The following LAG3 variants were observed in gnomAD, a reference collection of about 807,000 sequenced individuals.
LAG3 encodes the protein lymphocyte activation gene 3 protein.
In LAG3, 29 loss-of-function variants were observed where a neutral mutation model predicts 49.0. That is an observed-to-expected ratio of 0.59 (90% CI 0.44 to 0.81). The LOEUF (loss-of-function observed/expected upper bound fraction) is 0.81. Ranked by LOEUF, LAG3 falls within the 30% of genes least tolerant of loss-of-function variation. The pLI is 0.00. For synonymous variants in LAG3, 320 were observed against 297.3 expected, an observed-to-expected ratio of 1.08 and a Z score of -0.79; for missense variants, 693 against 695.2, an observed-to-expected ratio of 1.00 and a Z score of 0.04.
rs747449038 is a variant in LAG3, at chr12:6,774,667, A to G, written c.584A>G (p.Asp195Gly). 13 of 1,613,840 alleles carry G rather than the reference A, an allele frequency of 8.1e-6. No homozygotes were observed. Among genetic ancestry groups the G allele is most frequent in the Middle Eastern group, 1.6e-4 (1 of 6,082 alleles). The change falls in exon 4 of 8, where the codon GAC (aspartate) becomes GGC (glycine). Residue 195 changes from aspartate (D) to glycine (G), a missense_variant. Physicochemically the swap from Asp to Gly is moderately conservative, Grantham distance 94. Transcript: ENST00000203629. ...VILNCSFSRP[D>G]RPASVHWFRN... ...TTGAACTGCTCCTTCAGCCGCCCTG[A>G]CCGCCCAGCCTCTGTGCATTGGTTC...
At chr12:6,774,324 T>C (rs928081391) in intron 3 of LAG3, among the ~76,000 whole-genome samples, 1 of 152,108 alleles carries the variant, frequency 6.6e-6, no homozygotes, top group Non-Finnish European at 1.5e-5. Flanking sequence ...GGGGTGGGCT[T>C]CGCGGGGTTC....
At chr12:6,775,200 C>T in intron 4 of LAG3, 73 bp from the exon 5 acceptor site, 1 of 1,491,620 alleles carries the variant, frequency 6.7e-7, no homozygotes, top group African/African-American at 1.4e-5. Context: ...TTCTGCCTCC[C>T]TTCCTTGCAG....
At position 6,777,833 on chromosome 12, in the gene LAG3, G is replaced by C. The variant is rs753892980; in HGVS notation, c.1343G>C (p.Gly448Ala). The C allele has an allele frequency of 1.2e-6, 2 of 1,613,628 alleles. No individual in the cohort carries two copies. The highest frequency in any genetic ancestry group is 2.7e-5 in the African/African-American group (2 of 74,908). ...AGAGCCCCAGGTGCCCTCCCAGCAG[G>C]CCACCTCCTGCTGTTTCTCATCCTT... is the stretch of plus-strand genomic sequence containing the variant. ...SGRAPGALPAGHLLLFLILGV... is the reference protein window; with the variant it reads ...SGRAPGALPAAHLLLFLILGV... Residue 448 changes from glycine to alanine, a missense_variant, in exon 7 of 8, where the codon GGC becomes GCC. Gly to Ala is a moderately conservative substitution (Grantham distance 60, BLOSUM62 0). Transcript: ENST00000203629.
At position 6,773,772 on chromosome 12, in the gene LAG3, C is replaced by A; in HGVS notation, c.282C>A (p.Pro94=). ...CGGCGGCGCCCTCCTCCTGGGGGCCCAGGCCCCGCCGCTACACGGTGCTGA... is the reference window on the plus strand; with the variant it reads ...CGGCGGCGCCCTCCTCCTGGGGGCCAAGGCCCCGCCGCTACACGGTGCTGA... ...PHPAAPSSWG[P]RPRRYTVLSV... Residue 94 remains proline, a synonymous_variant, in exon 3 of 8, where the codon CCC becomes CCA. Transcript: ENST00000203629. This position sits in a 1 kb window ranked among gnomAD's most constrained non-coding sequence, Gnocchi z 5.5. 3 of 1,333,460 alleles carry A rather than the reference C, an allele frequency of 2.2e-6. No homozygotes were observed. Among genetic ancestry groups the A allele is most frequent in the South Asian group, 2.0e-5 (1 of 50,130 alleles). The allele number at this position is 1,333,460 out of a possible 1,614,324, so 82.6% of individuals were successfully genotyped here.
intron 3 of LAG3, 60 bp from the exon 4 acceptor site, chr12:6,774,535 C>A: frequency 6.4e-7 from 1 of 1,555,472 alleles, no homozygotes; most frequent in Non-Finnish European, 8.7e-7. Context: ...GCTTGGCAGC[C>A]CTGCTGTGTT....
rs754687935 is a variant in LAG3, at chr12:6,775,323, G to A, written c.832G>A (p.Val278Met). ...AGTGTACGCTGGAGCAGGTTCCAGG[G>A]TGGGGCTGCCCTGCCGCCTGCCTGC... is the stretch of plus-strand genomic sequence containing the variant. Reference protein sequence around the residue: ...LTVYAGAGSRVGLPCRLPAGV... With the variant: ...LTVYAGAGSRMGLPCRLPAGV... Residue 278 changes from valine (V) to methionine (M), a missense_variant, in exon 5 of 8, where the codon GTG (valine) becomes ATG (methionine). Coordinates refer to ENST00000203629, the MANE Select transcript of LAG3 (RefSeq NM_002286.6). 1.2e-6 allele frequency: 2 copies of A among 1,614,076 alleles called. No individual in the cohort carries two copies. The highest frequency in any genetic ancestry group is 2.7e-5 in the African/African-American group (2 of 74,922).
Position 6,773,833 on chromosome 12 carries a change from C to A in LAG3, c.343C>A (p.Pro115Thr). 7.1e-7 allele frequency: 1 copy of A among 1,407,748 alleles called. No individual in the cohort carries two copies. Among genetic ancestry groups the A allele is most frequent in the South Asian group, 1.5e-5 (1 of 67,110 alleles). 87.2% of individuals were successfully genotyped at this position (1,407,748 alleles called of 1,614,324 possible). ...GPGGLRSGRL[P>T]LQPRVQLDER... ...CGGAGGCCTGCGCAGCGGGAGGCTG[C>A]CCCTGCAGCCCCGCGTCCAGCTGGA... The change falls in exon 3 of 8, where the codon CCC becomes ACC. Residue 115 changes from proline to threonine, a missense_variant. Physicochemically the swap from Pro to Thr is conservative, Grantham distance 38. Transcript: ENST00000203629. This position sits in a 1 kb window ranked among gnomAD's most constrained non-coding sequence, Gnocchi z 5.5.
chr12:6,773,056 TC>T lies in LAG3; in HGVS notation c.59-135del. 7.2e-7 allele frequency: 1 copy of T among 1,382,300 alleles called. No individual in the cohort carries two copies. Among genetic ancestry groups the T allele is most frequent in the South Asian group, 1.3e-5 (1 of 77,150 alleles). 85.6% of individuals were successfully genotyped at this position (1,382,300 alleles called of 1,614,324 possible). Reference sequence around the variant, plus strand: ...GGGCAGTCCTTCCACCCCGAAAGCCTCTCTGGGCAGAGAAGAAACAGAAACC... The same window carrying T: ...GGGCAGTCCTTCCACCCCGAAAGCCTTCTGGGCAGAGAAGAAACAGAAACC... On this transcript the variant is annotated intron_variant, in intron 1 of 7. Transcript: ENST00000203629. The surrounding 1 kb of genome is among the most constrained non-coding windows in gnomAD (Gnocchi z 5.5).
In LAG3 at chr12:6,772,917, C is replaced by T. The variant is rs183549619; in HGVS notation, c.58+7C>T. The T allele has an allele frequency of 5.0e-3, 8,050 of 1,613,656 alleles. 23 individuals carry two copies. The highest frequency in any genetic ancestry group is 6.0e-3 in the Non-Finnish European group (7,098 of 1,179,806). On this transcript the variant is annotated splice_region_variant and intron_variant, in intron 1 of 7. Coordinates refer to ENST00000203629, the MANE Select transcript of LAG3 (RefSeq NM_002286.6). ...CCGCTTTGGGTGGCTCCAGGTAAAA[C>T]GGGGATGGCGGGAGGGTTGACCTCC...
In LAG3 at chr12:6,778,317, T is replaced by TGGAGCAAGAACCGGAGCCGGAGCC. The variant is rs1941931476; in HGVS notation, c.1511_1534dup (p.Gln504_Glu511dup). The stretch of plus-strand genomic sequence containing the variant: ...CAGGCTCAGAGCAAGATAGAGGAGC[T>TGGAGCAAGAACCGGAGCCGGAGCC]GGAGCAAGAACCGGAGCCGGAGCCG... On this transcript the variant is annotated inframe_insertion, in exon 8 of 8. Transcript: ENST00000203629. The TGGAGCAAGAACCGGAGCCGGAGCC allele has an allele frequency of 6.2e-7, 1 of 1,613,320 alleles. No homozygotes were observed. The highest frequency in any genetic ancestry group is 8.5e-7 in the Non-Finnish European group (1 of 1,179,778).
rs201858640 is a variant in LAG3 at position 6,775,434 on chromosome 12, G to A, written c.943G>A (p.Asp315Asn). 55 of 1,614,048 alleles carry A rather than the reference G, an allele frequency of 3.4e-5. No individual in the cohort carries two copies. The highest frequency in any genetic ancestry group is 1.1e-4 in the South Asian group (10 of 91,084). The change falls in exon 5 of 8, where the codon GAC becomes AAC. Residue 315 changes from aspartate (D) to asparagine (N), a missense_variant. Coordinates refer to ENST00000203629, the MANE Select transcript of LAG3 (RefSeq NM_002286.6). ...CCTCCTGGTGACTGGAGACAATGGCGACTTTACCCTTCGACTAGAGGATGT... is the reference window on the plus strand; with the variant it reads ...CCTCCTGGTGACTGGAGACAATGGCAACTTTACCCTTCGACTAGAGGATGT... The part of the protein sequence containing the change: ...PDLLVTGDNG[D>N]FTLRLEDVSQ...
chr12:6,772,975 G>T (rs1441318598), intron 1 of LAG3, 65 bp downstream of exon 1: 11 of 1,561,768 alleles, frequency 7.0e-6, no homozygotes, highest in Non-Finnish European at 9.7e-6. Context: ...AGGGATCTCT[G>T]TGGCCACAAA....
rs753663205 is a variant in LAG3 at position 6,773,389 on chromosome 12, C to T, written c.206+50C>T. On this transcript the variant is annotated intron_variant, in intron 2 of 7. Coordinates refer to ENST00000203629, the MANE Select transcript of LAG3 (RefSeq NM_002286.6). The surrounding 1 kb of genome is among the most constrained non-coding windows in gnomAD (Gnocchi z 5.5). ...AGGACCTCCGAATCCAGCACTCAAC[C>T]CCACACCCGTGCCGGTCCTCTGTCC... The T allele has an allele frequency of 7.5e-6, 12 of 1,602,722 alleles. No individual in the cohort carries two copies. The highest frequency in any genetic ancestry group is 1.3e-5 in the African/African-American group (1 of 74,616).
At chr12:6,778,077 G>T in intron 7 of LAG3, 156 bp downstream of exon 7, 1 of 1,335,990 alleles carries the variant, frequency 7.5e-7, no homozygotes, top group Non-Finnish European at 1.0e-6. Flanking sequence ...TCCAGGGATG[G>T]CTTGTGCCTG....
intron 5 of LAG3, among the ~76,000 whole-genome samples, chr12:6,776,446 G>A (rs1260723057): frequency 1.3e-5 from 2 of 152,100 alleles, no homozygotes; most frequent in African/African-American, 4.8e-5. Flanking sequence ...TTATGTAGAC[G>A]GCTCAATGAG....
intron 5 of LAG3, among the ~76,000 whole-genome samples, chr12:6,777,051 G>T (rs1941912799): frequency 6.6e-6 from 1 of 152,064 alleles, no homozygotes; most frequent in Non-Finnish European, 1.5e-5. Context: ...AGACTAGCCT[G>T]GGCAACATGG....
Position 6,773,610 on chromosome 12 carries a change from CT to C in LAG3, c.207-84del. 1 of 1,327,370 alleles carries C rather than the reference CT, an allele frequency of 7.5e-7. No homozygotes were observed. The highest frequency in any genetic ancestry group is 9.6e-7 in the Non-Finnish European group (1 of 1,041,680). The allele number at this position is 1,327,370 out of a possible 1,614,324, so 82.2% of individuals were successfully genotyped here. Reference sequence around the variant, plus strand: ...TGGTCAAGAGAACTCTTGGGGCGGGCTTTCTCATCCTCAACGGGTGGCTGCC... The same window carrying C: ...TGGTCAAGAGAACTCTTGGGGCGGGCTTCTCATCCTCAACGGGTGGCTGCC... On this transcript the variant is annotated intron_variant, in intron 2 of 7. Transcript: ENST00000203629. The surrounding 1 kb of genome is among the most constrained non-coding windows in gnomAD (Gnocchi z 5.5).
At position 6,773,915 on chromosome 12, in the gene LAG3, C is replaced by A; in HGVS notation, c.425C>A (p.Ala142Glu). The change falls in exon 3 of 8, where the codon GCG (alanine) becomes GAG (glutamate). Residue 142 changes from alanine to glutamate, a missense_variant. Coordinates refer to ENST00000203629, the MANE Select transcript of LAG3 (RefSeq NM_002286.6). The surrounding 1 kb of genome is among the most constrained non-coding windows in gnomAD (Gnocchi z 5.5). ...FSLWLRPARR[A>E]DAGEYRAAVH... ...CTATGGCTGCGCCCAGCCCGGCGCG[C>A]GGACGCCGGCGAGTACCGCGCCGCG... 1 of 1,380,558 alleles carries A rather than the reference C, an allele frequency of 7.2e-7. No homozygotes were observed. Among genetic ancestry groups the A allele is most frequent in the Non-Finnish European group, 9.3e-7 (1 of 1,075,630 alleles). 85.5% of individuals were successfully genotyped at this position (1,380,558 alleles called of 1,614,324 possible).
chr12:6,773,699 G>A lies in LAG3; in HGVS notation c.209G>A (p.Gly70Asp). The A allele has an allele frequency of 1.5e-6, 2 of 1,352,676 alleles. No individual in the cohort carries two copies. The highest frequency in any genetic ancestry group is 3.3e-5 in the Admixed American group (1 of 29,946). The allele number at this position is 1,352,676 out of a possible 1,614,324, so 83.8% of individuals were successfully genotyped here. ...GVTWQHQPDS[G>D]PPAAAPGHPL... is the part of the protein sequence containing the mutation. ...ACTCCATTCTCTTTCCCGCCCAGTG[G>A]CCCGCCCGCTGCCGCCCCCGGCCAT... The change falls in exon 3 of 8, where the codon GGC becomes GAC. Residue 70 changes from glycine to aspartate, a missense_variant and splice_region_variant. Gly to Asp is a moderately conservative substitution (Grantham distance 94). Transcript: ENST00000203629. This position sits in a 1 kb window ranked among gnomAD's most constrained non-coding sequence, Gnocchi z 5.5.
Sources: allele counts gnomAD v4.1 joint callset (sites outside exome capture counted in the v4.1 genomes callset), GRCh38; gene constraint gnomAD v4.1.1; non-coding constraint Gnocchi (gnomAD v3.1); transcripts MANE v1.5; gene names NCBI Gene and HGNC (gene_info 2026-07-23, HGNC 2026-07-21).